Variants in STARD13 observed in about 807,000 individuals in gnomAD.
STARD13 encodes stAR-related lipid transfer protein 13.
STARD13 carries 62 observed loss-of-function variants against 106.4 expected under a neutral mutation model. The observed-to-expected ratio is 0.58, with a 90% confidence interval of 0.48 to 0.72. The LOEUF is 0.72. Ranked by LOEUF, STARD13 falls within the 30% of genes least tolerant of loss-of-function variation. The pLI, the probability that STARD13 is intolerant of heterozygous loss-of-function variation, is 0.00. For synonymous variants in STARD13, 565 were observed against 553.0 expected, an observed-to-expected ratio of 1.02 and a Z score of -0.31; for missense variants, 1,387 against 1,424.0, an observed-to-expected ratio of 0.97 and a Z score of 0.42.
At chr13:33,221,639 G>A (rs1888361105) in intron 1 of STARD13, among the ~76,000 whole-genome samples, 1 of 152,138 alleles carries the variant, frequency 6.6e-6, no homozygotes, top group Non-Finnish European at 1.5e-5. Flanking sequence ...ATGCAGGACT[G>A]GCTATAAGAC....
intron 1 of STARD13, among the ~76,000 whole-genome samples, chr13:33,295,797 C>T (rs1892467471): frequency 6.6e-6 from 1 of 152,080 alleles, no homozygotes; most frequent in Non-Finnish European, 1.5e-5. Context: ...GGATGCATAC[C>T]TGGGCGAGAA....
intron 1 of STARD13, among the ~76,000 whole-genome samples, chr13:33,225,358 G>C (rs7334471): frequency 0.024 from 3,584 of 152,300 alleles, 148 homozygotes; most frequent in African/African-American, 0.082. Context: ...CTATCAACAA[G>C]TCAGTCACCA....
chr13:33,373,810 A>G, the STARD13 span, among the ~76,000 whole-genome samples: 3 of 152,116 alleles, frequency 2.0e-5, no homozygotes, highest in Non-Finnish European at 2.9e-5. Context: ...GTGAGAATGT[A>G]GAGAAATTGG....
upstream of STARD13, among the ~76,000 whole-genome samples, chr13:33,286,642 A>G (rs1892072343): frequency 6.6e-6 from 1 of 152,168 alleles, no homozygotes; most frequent in South Asian, 2.1e-4. Flanking sequence ...CTAGGTGAGC[A>G]ATATTATTTT....
chr13:33,282,959 G>A (rs1392153353), intron 1 of STARD13, among the ~76,000 whole-genome samples: 2 of 152,114 alleles, frequency 1.3e-5, no homozygotes, highest in Non-Finnish European at 2.9e-5. Context: ...GAGCCCAGGA[G>A]GTCAATGCTA....
the STARD13 span, among the ~76,000 whole-genome samples, chr13:33,361,597 TCA>T: frequency 6.6e-6 from 1 of 152,162 alleles, no homozygotes; most frequent in Non-Finnish European, 1.5e-5. Context: ...TTTAATTGAC[TCA>T]CAGTTCCACA....
chr13:33,654,359 C>T, the STARD13 span, among the ~76,000 whole-genome samples: 6 of 151,918 alleles, frequency 3.9e-5, no homozygotes, highest in African/African-American at 1.5e-4. Flanking sequence ...TGTGAAGAAG[C>T]GAAACACAAA....
In STARD13 at chr13:33,142,376, A is replaced by G. The variant is rs770853147; in HGVS notation, c.324-3T>C. On this transcript the variant is annotated splice_polypyrimidine_tract_variant and splice_region_variant and intron_variant, in intron 3 of 13. Coordinates refer to ENST00000336934, the MANE Select transcript of STARD13 (RefSeq NM_178006.4). The stretch of plus-strand genomic sequence containing the variant: ...ACTTGTTCAACGTATTTAGTCGTCT[A>G]AAAGGAAAGAAAAATGTGATGATTA... 1 of 1,612,124 alleles carries G rather than the reference A, an allele frequency of 6.2e-7. No individual in the cohort carries two copies. Among genetic ancestry groups the G allele is most frequent in the Admixed American group, 1.7e-5 (1 of 60,022 alleles).
intron 1 of STARD13, among the ~76,000 whole-genome samples, chr13:33,256,559 C>T (rs1333177266): frequency 6.6e-6 from 1 of 152,220 alleles, no homozygotes; most frequent in Non-Finnish European, 1.5e-5. Context: ...TTTTTTGAAA[C>T]ATCTGCTTTT....
At chr13:33,378,908 G>A in the STARD13 span, among the ~76,000 whole-genome samples, 1 of 152,126 alleles carries the variant, frequency 6.6e-6, no homozygotes, top group African/African-American at 2.4e-5. Flanking sequence ...CCAGGAGTTC[G>A]AGATCAGCCT....
the STARD13 span, among the ~76,000 whole-genome samples, chr13:33,479,032 G>GA: frequency 3.6e-4 from 55 of 152,062 alleles, no homozygotes; most frequent in African/African-American, 1.3e-3. Flanking sequence ...TATAAGTAGG[G>GA]AAAAAATCCA....
At chr13:33,378,268 G>A in the STARD13 span, among the ~76,000 whole-genome samples, 1 of 152,144 alleles carries the variant, frequency 6.6e-6, no homozygotes, top group African/African-American at 2.4e-5. Context: ...AGGCCAGGCT[G>A]AACGTCCACT....
chr13:33,317,212 C>T (rs1893375282), intron 1 of STARD13, among the ~76,000 whole-genome samples: 1 of 151,182 alleles, frequency 6.6e-6, no homozygotes, highest in African/African-American at 2.5e-5. Flanking sequence ...GAACTCCAGA[C>T]TTGTATCCAC....
chr13:33,165,005 C>T (rs924218022), intron 3 of STARD13, among the ~76,000 whole-genome samples: 2 of 152,148 alleles, frequency 1.3e-5, no homozygotes, highest in African/African-American at 4.8e-5. Context: ...TGTCTACATC[C>T]CCATGTTGTT....
the STARD13 span, among the ~76,000 whole-genome samples, chr13:33,581,490 A>G: frequency 6.6e-6 from 1 of 152,172 alleles, no homozygotes; most frequent in African/African-American, 2.4e-5. Flanking sequence ...ATTCATTTGA[A>G]TTTGTTAGTC....
chr13:33,194,594 G>T (rs545799026), intron 1 of STARD13, among the ~76,000 whole-genome samples: 1 of 152,248 alleles, frequency 6.6e-6, no homozygotes, highest in South Asian at 2.1e-4. Context: ...ATATAAACTA[G>T]ATGTAATTTG....
the STARD13 span, among the ~76,000 whole-genome samples, chr13:33,506,080 C>A: frequency 6.6e-6 from 1 of 152,134 alleles, no homozygotes; most frequent in South Asian, 2.1e-4. Context: ...ATGCACTTGT[C>A]GGGGAAAAAT....
At chr13:33,493,050 A>G in the STARD13 span, among the ~76,000 whole-genome samples, 1 of 152,228 alleles carries the variant, frequency 6.6e-6, no homozygotes, top group Non-Finnish European at 1.5e-5. Flanking sequence ...GATTTTCTGA[A>G]GTATCCTCCT....
chr13:33,654,432 A>G, the STARD13 span, among the ~76,000 whole-genome samples: 1 of 152,280 alleles, frequency 6.6e-6, no homozygotes, highest in Admixed American at 6.5e-5. Flanking sequence ...CTATAGAGAC[A>G]GAAAGTAGAT....
Sources: allele counts gnomAD v4.1 joint callset (sites outside exome capture counted in the v4.1 genomes callset), GRCh38; gene constraint gnomAD v4.1.1; transcripts MANE v1.5; gene names NCBI Gene and HGNC (gene_info 2026-07-23, HGNC 2026-07-21).